Variants in OSBPL2 observed in about 807,000 individuals in gnomAD.
OSBPL2 encodes oxysterol-binding protein-related protein 2.
In OSBPL2, 18 loss-of-function variants were observed where a neutral mutation model predicts 58.4. The ratio of observed to expected loss-of-function variants is 0.31; its 90% CI spans 0.21 to 0.46. The LOEUF is 0.46. Among genes scored for constraint, OSBPL2 ranks in the 20% least tolerant of loss-of-function variants. OSBPL2 has a pLI of 1.00. For synonymous variants in OSBPL2, 221 were observed against 234.1 expected (o/e 0.94, Z 0.51); for missense variants, 461 against 616.5 (o/e 0.75, Z 2.67).
chr20:62,279,985 C>T, intron 7 of OSBPL2: 1 of 1,304,104 alleles, frequency 7.7e-7, no homozygotes. Flanking sequence ...TCTTCACTCT[C>T]AGCCTAAATG....
At chr20:62,290,144 C>G (rs1221130453) in intron 12 of OSBPL2, among the ~76,000 whole-genome samples, 3 of 152,174 alleles carry the variant, frequency 2.0e-5, no homozygotes, top group African/African-American at 7.2e-5. Flanking sequence ...AGATGAACAA[C>G]TTTCTCACTC....
At chr20:62,289,421 G>A in intron 12 of OSBPL2, 91 bp downstream of exon 12, 1 of 1,461,054 alleles carries the variant, frequency 6.8e-7, no homozygotes, top group Middle Eastern at 2.4e-4. Flanking sequence ...CAGAAGCCAG[G>A]CTCTCGCCTA....
chr20:62,241,746 G>T (rs968351241), intron 1 of OSBPL2, among the ~76,000 whole-genome samples: 1 of 152,240 alleles, frequency 6.6e-6, no homozygotes, highest in African/African-American at 2.4e-5. Context: ...CGTTGTGGGT[G>T]CCTGGGCCGC....
chr20:62,253,062 C>G (rs200830370), intron 1 of OSBPL2, among the ~76,000 whole-genome samples: 1 of 152,324 alleles, frequency 6.6e-6, no homozygotes, highest in Non-Finnish European at 1.5e-5. Context: ...CTCAGTGTTC[C>G]GGGCAAAACT....
At chr20:62,251,121 G>A (rs562155171) in intron 1 of OSBPL2, among the ~76,000 whole-genome samples, 32 of 133,038 alleles carry the variant, frequency 2.4e-4, no homozygotes, top group African/African-American at 4.6e-4. Flanking sequence ...TCGGCTCACC[G>A]CAAGCTCTGC....
At chr20:62,246,299 C>T (rs1477538069) in intron 1 of OSBPL2, among the ~76,000 whole-genome samples, 1 of 152,240 alleles carries the variant, frequency 6.6e-6, no homozygotes, top group Non-Finnish European at 1.5e-5. Flanking sequence ...GATTAGCATC[C>T]AGCATTCAGT....
intron 1 of OSBPL2, among the ~76,000 whole-genome samples, chr20:62,251,478 G>A (rs1405132033): frequency 2.7e-5 from 4 of 149,562 alleles, no homozygotes; most frequent in Non-Finnish European, 5.9e-5. Flanking sequence ...GTGCAATCTC[G>A]GCTCACTGCA....
chr20:62,252,260 G>A (rs1308372039), intron 1 of OSBPL2, among the ~76,000 whole-genome samples: 3 of 151,978 alleles, frequency 2.0e-5, no homozygotes, highest in South Asian at 4.2e-4. Flanking sequence ...TAACATGTAC[G>A]ATAGGTTTTG....
Position 62,293,963 on chromosome 20 carries a change from G to T in OSBPL2, c.*76G>T. ...TCCTCGAGTGGCCACTGTGAGCCTC[G>T]TCACAGCAGAAACCAACTTTTCTAA... On this transcript the variant is annotated 3_prime_UTR_variant, in exon 14 of 14. Coordinates refer to ENST00000313733, the MANE Select transcript of OSBPL2 (RefSeq NM_144498.4). 1 of 1,546,780 alleles carries T rather than the reference G, an allele frequency of 6.5e-7. No individual in the cohort carries two copies.
At chr20:62,256,010 C>T (rs1410295725) in intron 1 of OSBPL2, 47 bp from the exon 2 acceptor site, 7 of 573,662 alleles carry the variant, frequency 1.2e-5, no homozygotes, top group South Asian at 2.3e-5. Context: ...GTTTTTAAAC[C>T]GTGAAACTTC....
At chr20:62,257,935 G>A (rs1205716085) in intron 2 of OSBPL2, among the ~76,000 whole-genome samples, 3 of 152,052 alleles carry the variant, frequency 2.0e-5, no homozygotes, top group Admixed American at 6.6e-5. Flanking sequence ...GGCTGGTCTC[G>A]AACTCCTGAC....
At chr20:62,292,671 C>G (rs1983595266) in intron 13 of OSBPL2, among the ~76,000 whole-genome samples, 1 of 152,188 alleles carries the variant, frequency 6.6e-6, no homozygotes, top group Non-Finnish European at 1.5e-5. Flanking sequence ...TGTGAAGCAT[C>G]TTAATTCTGT....
chr20:62,257,265 C>T (rs185667902), intron 2 of OSBPL2, among the ~76,000 whole-genome samples: 12 of 152,256 alleles, frequency 7.9e-5, no homozygotes, highest in East Asian at 7.7e-4. Context: ...GTGGCGCCTC[C>T]GGTCCGTGGC....
chr20:62,277,142 T>C (rs1982433074), intron 6 of OSBPL2, among the ~76,000 whole-genome samples: 1 of 151,874 alleles, frequency 6.6e-6, no homozygotes, highest in Admixed American at 6.6e-5. Context: ...TCCCAGCTAC[T>C]CGGGAGGCTG....
chr20:62,243,206 C>T (rs1257824051), intron 1 of OSBPL2, among the ~76,000 whole-genome samples: 1 of 152,238 alleles, frequency 6.6e-6, no homozygotes, highest in Non-Finnish European at 1.5e-5. Flanking sequence ...ACACGGGCTG[C>T]GTCTGTGGTG....
chr20:62,264,155 CAG>C (rs1330181719), intron 4 of OSBPL2, among the ~76,000 whole-genome samples: 4 of 151,920 alleles, frequency 2.6e-5, no homozygotes, highest in African/African-American at 9.7e-5. Flanking sequence ...ACAAGCAAGT[CAG>C]GGGAAGAGGT....
At chr20:62,281,349 C>G in intron 8 of OSBPL2, 184 bp downstream of exon 8, 1 of 578,484 alleles carries the variant, frequency 1.7e-6, no homozygotes, top group South Asian at 2.1e-5. Context: ...GCCATGAATG[C>G]TCCTCGTTCA....
chr20:62,273,113 C>T (rs1317204627), intron 5 of OSBPL2, among the ~76,000 whole-genome samples, 196 bp from the exon 6 acceptor site: 7 of 152,078 alleles, frequency 4.6e-5, no homozygotes, highest in Non-Finnish European at 1.0e-4. Context: ...TCTGTGCTGT[C>T]GGGGGAGTGG....
At chr20:62,259,447 G>A (rs548365768) in intron 2 of OSBPL2, among the ~76,000 whole-genome samples, 1 of 152,342 alleles carries the variant, frequency 6.6e-6, no homozygotes, top group East Asian at 1.9e-4. Flanking sequence ...TCTGAGTCCA[G>A]TCACATGTGT....
Sources: allele counts gnomAD v4.1 joint callset (sites outside exome capture counted in the v4.1 genomes callset), GRCh38; gene constraint gnomAD v4.1.1; transcripts MANE v1.5; gene names NCBI Gene and HGNC (gene_info 2026-07-23, HGNC 2026-07-21).